The following PRRC2B variants were observed in gnomAD, a reference collection of about 807,000 sequenced individuals.
PRRC2B encodes the protein proline rich coiled-coil 2B.
Under a neutral mutation model 242.3 loss-of-function variants are expected in PRRC2B, and 68 were observed. The observed-to-expected ratio is 0.28, with a 90% CI of 0.23 to 0.34. The LOEUF is 0.34. PRRC2B is among the 10% of genes least tolerant of loss of function. The probability of loss-of-function intolerance (pLI) is 1.00; values close to 1 mark genes in which losing one functional copy is unlikely to be tolerated. For missense variants in PRRC2B, 2,835 were observed against 2,954.8 expected (o/e 0.96, Z 0.94); for synonymous variants, 1,228 against 1,173.6 (o/e 1.05, Z -0.95).
chr9:131,488,158 T>G (rs1944079430), intron 28 of PRRC2B, 62 bp downstream of exon 28: 4 of 1,543,234 alleles, frequency 2.6e-6, no homozygotes, highest in Non-Finnish European at 3.5e-6. Context: ...CCTTGCCTTT[T>G]CTTTTCACCC....
chr9:131,415,466 T>C (rs1345877780), intron 1 of PRRC2B, among the ~76,000 whole-genome samples: 2 of 152,164 alleles, frequency 1.3e-5, no homozygotes, highest in African/African-American at 4.8e-5. Context: ...TCAGGCTCCA[T>C]CAGGAAGGAG....
At chr9:131,486,682 T>C in intron 26 of PRRC2B, 2 of 291,838 alleles carry the variant, frequency 6.9e-6, no homozygotes, top group Non-Finnish European at 1.0e-5. Flanking sequence ...CTCAGACCCA[T>C]GTGCCTCCAC....
intron 1 of PRRC2B, among the ~76,000 whole-genome samples, chr9:131,404,497 C>G (rs144586849): frequency 0.013 from 1,938 of 152,236 alleles, 20 homozygotes; most frequent in Middle Eastern, 0.027. Flanking sequence ...GCTGGGATTA[C>G]AGGCGTGAGC....
chr9:131,437,786 G>A (rs1838422624), intron 4 of PRRC2B, among the ~76,000 whole-genome samples: 1 of 152,194 alleles, frequency 6.6e-6, no homozygotes, highest in Non-Finnish European at 1.5e-5. Context: ...GGACCCATAG[G>A]CTAGTCAGAG....
intron 13 of PRRC2B, among the ~76,000 whole-genome samples, chr9:131,470,009 G>A (rs886731827): frequency 2.0e-5 from 3 of 152,092 alleles, no homozygotes; most frequent in African/African-American, 7.2e-5. Flanking sequence ...TGGGGGTTAC[G>A]ACAGGCTTTC....
intron 28 of PRRC2B, among the ~76,000 whole-genome samples, chr9:131,489,289 C>T (rs1183673607): frequency 1.3e-5 from 2 of 151,014 alleles, no homozygotes; most frequent in African/African-American, 4.9e-5. Context: ...TGGGTTCAAG[C>T]AATTATCGTG....
intron 1 of PRRC2B, among the ~76,000 whole-genome samples, chr9:131,374,374 C>T (rs1836656693): frequency 1.3e-5 from 2 of 152,088 alleles, no homozygotes; most frequent in South Asian, 2.1e-4. Flanking sequence ...CCAAGAGTTG[C>T]AGGTGACGCC....
rs767738855 is a variant in PRRC2B at position 131,495,894 on chromosome 9, C to T, written c.*20C>T. On this transcript the variant is annotated 3_prime_UTR_variant, in exon 32 of 32. Transcript: ENST00000683519. ...GCCTGACAGTGCCTGGCTGCCACCT[C>T]GCCTCTCCCTACTGAGGACGGTGCC... is the stretch of plus-strand genomic sequence containing the variant. 3.2e-5 allele frequency: 51 copies of T among 1,596,754 alleles called. No individual in the cohort carries two copies. Among genetic ancestry groups the T allele is most frequent in the Non-Finnish European group, 4.0e-5 (47 of 1,167,220 alleles).
intron 11 of PRRC2B, among the ~76,000 whole-genome samples, chr9:131,464,393 TC>T (rs917808578): frequency 4.6e-5 from 7 of 152,316 alleles, no homozygotes; most frequent in Admixed American, 2.0e-4. Flanking sequence ...GGCTTCCTGT[TC>T]CGGTTCTTAG....
Position 131,478,587 on chromosome 9 carries a change from G to C in PRRC2B, c.4726G>C (p.Glu1576Gln). ...CAAGAAGCAGCGCCGCCTGCTGGAGGAAGAGAGAAGAAAGAAGGAGCAGGC... is the reference window on the plus strand; with the variant it reads ...CAAGAAGCAGCGCCGCCTGCTGGAGCAAGAGAGAAGAAAGAAGGAGCAGGC... The part of the protein sequence containing the change: ...LTKKQRRLLE[E>Q]ERRKKEQAVQ... Residue 1576 changes from glutamate to glutamine, a missense_variant, in exon 18 of 32, where the codon GAA (glutamate) becomes CAA (glutamine). Physicochemically the swap from Glu to Gln is conservative, Grantham distance 29. This residue lies in a region of PRRC2B where 1,536 missense variants were observed against 1,483.1 expected (regional missense o/e 1.04). Transcript: ENST00000683519. The C allele has an allele frequency of 7.2e-7, 1 of 1,382,256 alleles. No homozygotes were observed. The highest frequency in any genetic ancestry group is 9.7e-7 in the Non-Finnish European group (1 of 1,033,734). 85.6% of individuals were successfully genotyped at this position (1,382,256 alleles called of 1,614,324 possible).
chr9:131,475,169 G>A lies in PRRC2B; in HGVS notation c.3040G>A (p.Gly1014Ser). The A allele has an allele frequency of 6.2e-7, 1 of 1,613,284 alleles. No homozygotes were observed. The highest frequency in any genetic ancestry group is 8.5e-7 in the Non-Finnish European group (1 of 1,179,656). ...CAAAGGCCCTGGCCATGCCACTTTT[G>A]GCCGCGAGGCCACCAAATTTGAAGA... is the stretch of plus-strand genomic sequence containing the variant. The part of the protein sequence containing the change: ...EDKGPGHATF[G>S]REATKFEEEE... The change falls in exon 16 of 32, where the codon GGC becomes AGC. Residue 1014 changes from glycine (G) to serine (S), a missense_variant. Physicochemically the swap from Gly to Ser is moderately conservative, Grantham distance 56. This residue lies in a region of PRRC2B where 1,536 missense variants were observed against 1,483.1 expected (regional missense o/e 1.04). Coordinates refer to ENST00000683519, the MANE Select transcript of PRRC2B (RefSeq NM_013318.4).
At position 131,465,075 on chromosome 9, in the gene PRRC2B, A is replaced by C; in HGVS notation, c.1717A>C (p.Lys573Gln). The change falls in exon 12 of 32, where the codon AAA becomes CAA. Residue 573 changes from lysine (K) to glutamine (Q), a missense_variant. Around this residue, in one of 7 missense-constraint regions of PRRC2B, gnomAD observed 1,536 missense variants for 1,483.1 expected, o/e 1.04. Transcript: ENST00000683519. ...CCAGGAAAACGGCCCTGCTGTCCACAAAGGTAAGAGCTGGGCCGTCTTCCC... is the reference window on the plus strand; with the variant it reads ...CCAGGAAAACGGCCCTGCTGTCCACCAAGGTAAGAGCTGGGCCGTCTTCCC... Reference protein sequence around the residue: ...SPQENGPAVHKGSPEFPAQET... With the variant: ...SPQENGPAVHQGSPEFPAQET... The C allele has an allele frequency of 6.2e-7, 1 of 1,612,000 alleles. No individual in the cohort carries two copies. Among genetic ancestry groups the C allele is most frequent in the Non-Finnish European group, 8.5e-7 (1 of 1,178,582 alleles).
rs760274023 is a variant in PRRC2B, at chr9:131,476,119, G to A, written c.3990G>A (p.Glu1330=). 5.0e-6 allele frequency: 8 copies of A among 1,610,134 alleles called. No homozygotes were observed. In the South Asian group the frequency reaches 8.8e-5, roughly 18 times the overall value. The part of the protein sequence containing the change: ...RESLGLWGPE[E]EPHLLAGQWP... The stretch of plus-strand genomic sequence containing the variant: ...CCCTGGGCCTGTGGGGACCCGAGGA[G>A]GAGCCCCACCTGCTGGCAGGTCAGT... Residue 1330 remains glutamate, a synonymous_variant, in exon 16 of 32, where the codon GAG becomes GAA. Transcript: ENST00000683519.
chr9:131,417,491 G>A (rs1282825537), intron 1 of PRRC2B, among the ~76,000 whole-genome samples: 1 of 152,038 alleles, frequency 6.6e-6, no homozygotes, highest in Admixed American at 6.6e-5. Context: ...TTCATGCAAG[G>A]TGCCTGCCAC....
At chr9:131,420,144 G>A (rs1277105308) in intron 1 of PRRC2B, among the ~76,000 whole-genome samples, 2 of 152,034 alleles carry the variant, frequency 1.3e-5, no homozygotes, top group Admixed American at 6.6e-5. Context: ...CTTGGGGTGC[G>A]TGGTCTTCTG....
chr9:131,393,929 C>T (rs1406088095), upstream of PRRC2B, among the ~76,000 whole-genome samples: 2 of 151,196 alleles, frequency 1.3e-5, no homozygotes, highest in Admixed American at 1.3e-4. Flanking sequence ...AGCCCTCGCC[C>T]GGCCCCCGGG....
At position 131,499,170 on chromosome 9, in the gene PRRC2B, C is replaced by T. The variant is rs1487583507; in HGVS notation, c.*3296C>T. On this transcript the variant is annotated 3_prime_UTR_variant, in exon 32 of 32. Transcript: ENST00000683519. The stretch of plus-strand genomic sequence containing the variant: ...CTTGTTAAACGTTGACATCAGTGCT[C>T]TCCAGCCGTGCTGTCACCCTCCTAT... The T allele has an allele frequency of 6.6e-6, 1 of 152,228 alleles. No individual in the cohort carries two copies. Among genetic ancestry groups the T allele is most frequent in the Non-Finnish European group, 1.5e-5 (1 of 68,052 alleles). 9.4% of individuals were successfully genotyped at this position (152,228 alleles called of 1,614,324 possible).
chr9:131,470,361 A>G (rs1216444308), intron 13 of PRRC2B, among the ~76,000 whole-genome samples: 1 of 152,094 alleles, frequency 6.6e-6, no homozygotes, highest in Admixed American at 6.5e-5. Context: ...CAAGGATGGA[A>G]AATGGATTGA....
At chr9:131,432,523 C>T in intron 2 of PRRC2B, 94 bp from the exon 3 acceptor site, 2 of 1,216,002 alleles carry the variant, frequency 1.6e-6, no homozygotes, top group Non-Finnish European at 2.3e-6. Flanking sequence ...TTGTTATGAT[C>T]ACTTAGAGAT....
Sources: gnomAD v4.1 joint callset for allele counts (sites outside exome capture counted in the v4.1 genomes callset) on GRCh38, gnomAD v4.1.1 for gene constraint, gnomAD v4.1.1 regional missense constraint, MANE v1.5 for transcripts, NCBI Gene and HGNC (gene_info 2026-07-23, HGNC 2026-07-21) for gene names.